The following PECAM1 variants were observed in gnomAD, a reference collection of about 807,000 sequenced individuals.
PECAM1 encodes the protein platelet endothelial cell adhesion molecule.
Under a neutral mutation model 13.8 loss-of-function variants are expected in PECAM1, and 8 were observed. That is an observed-to-expected ratio of 0.58 (90% CI 0.34 to 1.05). The LOEUF (loss-of-function observed/expected upper bound fraction) is 1.05. PECAM1 is among the 50% of genes least tolerant of loss of function. The probability of loss-of-function intolerance (pLI) is 0.03; values close to 1 mark genes in which losing one functional copy is unlikely to be tolerated. For synonymous variants in PECAM1, 136 were observed against 52.6 expected, an observed-to-expected ratio of 2.58 and a Z score of -6.86; for missense variants, 304 against 141.2, an observed-to-expected ratio of 2.15 and a Z score of -5.84.
intron 14 of PECAM1, among the ~76,000 whole-genome samples, chr17:64,333,523 C>A (rs1400007046): frequency 6.6e-6 from 1 of 152,020 alleles, no homozygotes. Flanking sequence ...CCTCTCTCCA[C>A]GAGACGCAGT....
intron 13 of PECAM1, among the ~76,000 whole-genome samples, chr17:64,341,962 C>T (rs1160114506): frequency 2.0e-5 from 3 of 151,922 alleles, no homozygotes; most frequent in Non-Finnish European, 4.4e-5. Flanking sequence ...CCATTCTGGC[C>T]AACATGGCGA....
intron 3 of PECAM1, among the ~76,000 whole-genome samples, chr17:64,376,422 T>C (rs1363119729): frequency 6.6e-6 from 1 of 152,186 alleles, no homozygotes; most frequent in Non-Finnish European, 1.5e-5. Flanking sequence ...ACAATCAGAT[T>C]CCCAACAGAT....
At chr17:64,355,172 G>GCTAA in intron 8 of PECAM1, 132 bp from the exon 9 acceptor site, 1 of 401,852 alleles carries the variant, frequency 2.5e-6, no homozygotes, top group Non-Finnish European at 4.4e-6. Flanking sequence ...GCTTGCCTTA[G>GCTAA]CATCCATCTA....
At chr17:64,341,988 A>G (rs2035442616) in intron 13 of PECAM1, among the ~76,000 whole-genome samples, 1 of 152,086 alleles carries the variant, frequency 6.6e-6, no homozygotes, top group East Asian at 1.9e-4. Context: ...CGTCTCTACT[A>G]AAAATTCAAA....
intron 14 of PECAM1, among the ~76,000 whole-genome samples, chr17:64,331,906 A>G (rs1214967094): frequency 6.6e-6 from 1 of 152,224 alleles, no homozygotes; most frequent in Non-Finnish European, 1.5e-5. Flanking sequence ...TGGGAGGGCC[A>G]TAAGTCCTCA....
rs782796347 is a variant in PECAM1 at position 64,321,896 on chromosome 17, CAG to C, written c.*1918_*1919del. ...AAGGGACTAAGGAACTCCCTGGACA[CAG>C]GGGATCTGGCTGTCCCCAGATCATC... On this transcript the variant is annotated 3_prime_UTR_variant, in exon 16 of 16. Transcript: ENST00000563924. The C allele has an allele frequency of 5.2e-6, 7 of 1,347,398 alleles. No homozygotes were observed. The highest frequency in any genetic ancestry group is 4.5e-5 in the South Asian group (4 of 87,916). The allele number at this position is 1,347,398 out of a possible 1,614,324, so 83.5% of individuals were successfully genotyped here.
chr17:64,337,158 G>A (rs11650554), intron 14 of PECAM1, among the ~76,000 whole-genome samples: 135,200 of 152,180 alleles, frequency 0.89, 60,904 homozygotes, highest in East Asian at 1. Flanking sequence ...TGCAGGCCCC[G>A]AGGGCTACAG....
chr17:64,379,927 AG>A (rs1296153422), intron 2 of PECAM1, among the ~76,000 whole-genome samples: 1 of 151,360 alleles, frequency 6.6e-6, no homozygotes, highest in African/African-American at 2.4e-5. Context: ...CAGGAGGCTG[AG>A]GTGGGAGGAT....
intron 13 of PECAM1, among the ~76,000 whole-genome samples, chr17:64,345,006 C>T (rs1289990160): frequency 1.3e-5 from 2 of 152,158 alleles, no homozygotes; most frequent in Admixed American, 6.5e-5. Flanking sequence ...TGGAGGGTCT[C>T]GATACCTCCT....
Position 64,367,277 on chromosome 17 carries a change from C to T in PECAM1, c.967+2473G>A, listed in dbSNP as rs958292495. Among the ~76,000 whole-genome samples, 676 of 152,132 alleles carry T rather than the reference C, an allele frequency of 4.4e-3. 14 individuals are homozygous for T. The highest frequency in any genetic ancestry group is 0.038 in the Admixed American group (585 of 15,294). On this transcript the variant is annotated intron_variant, in intron 5 of 15. Coordinates refer to ENST00000563924, the MANE Select transcript of PECAM1 (RefSeq NM_000442.5). ...TAGGAAAAACACTGAACTGGCAGGGCGTGGTGGCTCACACCTGTAATCCCA... is the reference window on the plus strand; with the variant it reads ...TAGGAAAAACACTGAACTGGCAGGGTGTGGTGGCTCACACCTGTAATCCCA...
intron 5 of PECAM1, among the ~76,000 whole-genome samples, chr17:64,365,022 A>C (rs1408470553): frequency 1.3e-5 from 2 of 151,994 alleles, no homozygotes; most frequent in Non-Finnish European, 2.9e-5. Flanking sequence ...GGAAAAGAGG[A>C]AGTCAAATTG....
At chr17:64,362,822 C>T (rs1311925737) in intron 6 of PECAM1, among the ~76,000 whole-genome samples, 2 of 138,302 alleles carry the variant, frequency 1.4e-5, no homozygotes, top group African/African-American at 2.5e-5. Flanking sequence ...GCACTCTAGC[C>T]TGGGCGACAC....
chr17:64,329,370 C>T (rs1396157097), intron 15 of PECAM1, among the ~76,000 whole-genome samples: 1 of 152,124 alleles, frequency 6.6e-6, no homozygotes, highest in African/African-American at 2.4e-5. Context: ...AGCTGCTCCA[C>T]TCCTCCAAGC....
At chr17:64,385,533 G>T (rs953125174) in intron 2 of PECAM1, among the ~76,000 whole-genome samples, 3 of 147,436 alleles carry the variant, frequency 2.0e-5, no homozygotes, top group Non-Finnish European at 4.5e-5. Flanking sequence ...CTTCCTACCC[G>T]AATCTCAAGC....
chr17:64,340,390 G>A (rs1298089391), intron 14 of PECAM1, among the ~76,000 whole-genome samples: 1 of 152,022 alleles, frequency 6.6e-6, no homozygotes, highest in East Asian at 1.9e-4. Flanking sequence ...ACCACGCCTA[G>A]CCTGAGTAGC....
At chr17:64,378,751 A>T (rs2036418585) in intron 2 of PECAM1, 1 of 152,092 alleles carries the variant, frequency 6.6e-6, no homozygotes, top group Non-Finnish European at 1.5e-5. Flanking sequence ...CTCATCATTT[A>T]CTGTGTGACC....
In PECAM1 at chr17:64,323,243, G is replaced by A. The variant is rs912663768; in HGVS notation, c.*573C>T. On this transcript the variant is annotated 3_prime_UTR_variant, in exon 16 of 16. Transcript: ENST00000563924. The stretch of plus-strand genomic sequence containing the variant: ...GTCTTCAGGTTGGTATTTCACAGGC[G>A]GTGCTCCCAAGTAGTCTGGTTTTCC... 18 of 990,588 alleles carry A rather than the reference G, an allele frequency of 1.8e-5. No homozygotes were observed. The highest frequency in any genetic ancestry group is 4.6e-5 in the South Asian group (1 of 21,846). 61.4% of individuals were successfully genotyped at this position (990,588 alleles called of 1,614,324 possible). A position where few individuals can be genotyped will look rare whatever the true frequency, so the allele number is the denominator to read the frequency against.
At chr17:64,358,149 C>T (rs2035889846) in intron 7 of PECAM1, among the ~76,000 whole-genome samples, 1 of 110,644 alleles carries the variant, frequency 9.0e-6, no homozygotes, top group Admixed American at 1.5e-4. Flanking sequence ...GATAGAGTCT[C>T]ACTCTGTCAC....
intron 4 of PECAM1, among the ~76,000 whole-genome samples, chr17:64,373,112 CAAAT>C (rs1436473057): frequency 1.4e-5 from 2 of 142,212 alleles, no homozygotes; most frequent in African/African-American, 5.2e-5. Flanking sequence ...AACTCTGTCT[CAAAT>C]AAATAAATAA....
Sources: gnomAD v4.1 joint callset for allele counts (sites outside exome capture counted in the v4.1 genomes callset) on GRCh38, gnomAD v4.1.1 for gene constraint, MANE v1.5 for transcripts, NCBI Gene and HGNC (gene_info 2026-07-23, HGNC 2026-07-21) for gene names.